ARHGAP26: variants seen among roughly 807,000 people sequenced by gnomAD.
ARHGAP26 encodes rho GTPase-activating protein 26.
A neutral mutation model predicts 104.8 loss-of-function variants in ARHGAP26; 38 were observed. The observed-to-expected ratio is 0.36, with a 90% confidence interval of 0.28 to 0.48. The LOEUF (loss-of-function observed/expected upper bound fraction) is 0.48. Ranked by LOEUF, ARHGAP26 falls within the 20% of genes least tolerant of loss-of-function variation. The probability of loss-of-function intolerance (pLI) is 0.99; values close to 1 mark genes in which losing one functional copy is unlikely to be tolerated. For synonymous variants in ARHGAP26, 341 were observed against 340.0 expected (o/e 1.00, Z -0.03); for missense variants, 704 against 947.9 (o/e 0.74, Z 3.38).
chr5:143,045,879 A>C (rs1562321360), intron 14 of ARHGAP26, among the ~76,000 whole-genome samples: 1 of 152,060 alleles, frequency 6.6e-6, no homozygotes. Context: ...CACACCTGTA[A>C]TCCCAGCACT....
intron 1 of ARHGAP26, among the ~76,000 whole-genome samples, chr5:142,861,044 C>G (rs1753235639): frequency 6.6e-6 from 1 of 152,174 alleles, no homozygotes; most frequent in African/African-American, 2.4e-5. Flanking sequence ...TCTTTGGCCT[C>G]TCTCATTCTG....
At chr5:142,791,331 C>G (rs781030555) in intron 1 of ARHGAP26, among the ~76,000 whole-genome samples, 5 of 151,996 alleles carry the variant, frequency 3.3e-5, no homozygotes, top group Non-Finnish European at 7.4e-5. Flanking sequence ...TGTCACCAGC[C>G]TCCATCTCCT....
intron 22 of ARHGAP26, among the ~76,000 whole-genome samples, chr5:143,214,906 G>A (rs28702714): frequency 0.035 from 5,356 of 152,312 alleles, 316 homozygotes; most frequent in African/African-American, 0.12. Flanking sequence ...CTGTCCTTAA[G>A]CCTTTGCTCC....
chr5:142,933,964 C>G (rs1227147184), intron 11 of ARHGAP26, among the ~76,000 whole-genome samples: 4 of 152,176 alleles, frequency 2.6e-5, no homozygotes, highest in Admixed American at 1.3e-4. Flanking sequence ...TACTTTCACT[C>G]ACTCCCTTGA....
intron 17 of ARHGAP26, among the ~76,000 whole-genome samples, chr5:143,058,660 A>G (rs142802764): frequency 4.1e-4 from 62 of 152,386 alleles, no homozygotes; most frequent in Non-Finnish European, 7.9e-4. Flanking sequence ...ATACTTTGCT[A>G]TGCCATTAGG....
At chr5:143,145,199 G>A (rs535347140) in intron 19 of ARHGAP26, among the ~76,000 whole-genome samples, 1 of 152,306 alleles carries the variant, frequency 6.6e-6, no homozygotes, top group Non-Finnish European at 1.5e-5. Flanking sequence ...TTTTTAGTTT[G>A]TAGAATGATA....
chr5:142,972,614 G>C (rs1772449746), intron 11 of ARHGAP26, among the ~76,000 whole-genome samples: 1 of 152,130 alleles, frequency 6.6e-6, no homozygotes, highest in South Asian at 2.1e-4. Context: ...TAGTGAGACA[G>C]ATTAACATAG....
intron 1 of ARHGAP26, among the ~76,000 whole-genome samples, chr5:142,823,592 A>G (rs1766632884): frequency 6.6e-6 from 1 of 152,096 alleles, no homozygotes; most frequent in South Asian, 2.1e-4. Flanking sequence ...CAAAGCACTG[A>G]TCATAAGCAA....
At chr5:142,848,097 G>A (rs1772383021) in intron 1 of ARHGAP26, among the ~76,000 whole-genome samples, 1 of 152,242 alleles carries the variant, frequency 6.6e-6, no homozygotes, top group African/African-American at 2.4e-5. Flanking sequence ...GTGAAGGGGA[G>A]TGATCTGGGA....
rs554405303 is a variant in ARHGAP26, at chr5:143,204,640, G to A, written c.1989-2558G>A. Reference sequence around the variant, plus strand: ...GCCGCACCCCCAGATAATTTCAGCCGTGTAGTTCTGGCCAAAAACCACTTA... The same window carrying A: ...GCCGCACCCCCAGATAATTTCAGCCATGTAGTTCTGGCCAAAAACCACTTA... On this transcript the variant is annotated intron_variant, in intron 20 of 22. Transcript: ENST00000645722. 4.8e-4 allele frequency among the ~76,000 whole-genome samples: 73 copies of A among 152,260 alleles called. 1 individual carries two copies. Among genetic ancestry groups the A allele is most frequent in the African/African-American group, 1.6e-3 (66 of 41,556 alleles).
At chr5:143,049,781 G>A (rs1442224939) in intron 14 of ARHGAP26, among the ~76,000 whole-genome samples, 2 of 152,234 alleles carry the variant, frequency 1.3e-5, no homozygotes, top group Middle Eastern at 3.4e-3. Flanking sequence ...GAACCTATAA[G>A]CCTGCATTGA....
In ARHGAP26 at chr5:142,856,146, T is replaced by C. The variant is rs374042008; in HGVS notation, c.155-17254T>C. ...TGGTGTACGAGACTGACCTGGTCCC[T>C]GTCTTCTTGGAGCTGCCCATACTGA... On this transcript the variant is annotated intron_variant, in intron 1 of 22. Coordinates refer to ENST00000645722, the MANE Select transcript of ARHGAP26 (RefSeq NM_001135608.3). 7.1e-4 allele frequency among the ~76,000 whole-genome samples: 108 copies of C among 152,324 alleles called. 2 individuals carry two copies. Among genetic ancestry groups the C allele is most frequent in the African/African-American group, 2.3e-3 (97 of 41,578 alleles).
intron 20 of ARHGAP26, among the ~76,000 whole-genome samples, chr5:143,149,882 C>T (rs72799980): frequency 0.011 from 1,690 of 152,258 alleles, 15 homozygotes; most frequent in Non-Finnish European, 0.016. Context: ...TCCTTTATTT[C>T]ACTATTTTTC....
intron 11 of ARHGAP26, among the ~76,000 whole-genome samples, chr5:142,961,757 T>C (rs1354004967): frequency 6.6e-6 from 1 of 152,216 alleles, no homozygotes; most frequent in African/African-American, 2.4e-5. Flanking sequence ...ATGTTGAAAA[T>C]ATTCAACTTT....
At chr5:142,895,663 A>C (rs913340351) in intron 6 of ARHGAP26, among the ~76,000 whole-genome samples, 1 of 152,158 alleles carries the variant, frequency 6.6e-6, no homozygotes, top group Non-Finnish European at 1.5e-5. Context: ...TTTTTTAGGC[A>C]TGTAGACTTG....
intron 20 of ARHGAP26, among the ~76,000 whole-genome samples, chr5:143,157,074 C>T (rs1042138423): frequency 1.3e-5 from 2 of 151,872 alleles, no homozygotes; most frequent in Admixed American, 6.6e-5. Flanking sequence ...TGAGCATCGG[C>T]GTGGACAGAT....
chr5:143,165,531 A>G (rs998722987), intron 20 of ARHGAP26: 1 of 152,258 alleles, frequency 6.6e-6, no homozygotes, highest in Non-Finnish European at 1.5e-5. Context: ...TTCACATCCC[A>G]ACTTTATTAG....
rs1431154778 is a variant in ARHGAP26, at chr5:142,894,297, C to A, written c.546C>A (p.Val182=). 6.2e-7 allele frequency: 1 copy of A among 1,613,984 alleles called. No individual in the cohort carries two copies. The highest frequency in any genetic ancestry group is 8.5e-7 in the Non-Finnish European group (1 of 1,180,008). ...TCTATGAAGTATCCCTGGAATATGT[C>A]TTCAAGGTGCAGGAAGTCCAAGAGA... ...QHFYEVSLEY[V]FKVQEVQERK... Residue 182 remains valine (V), a synonymous_variant, in exon 6 of 23, where the codon GTC becomes GTA. Transcript: ENST00000645722.
intron 18 of ARHGAP26, among the ~76,000 whole-genome samples, chr5:143,129,811 G>T (rs1468467056): frequency 1.3e-5 from 2 of 152,156 alleles, no homozygotes; most frequent in Non-Finnish European, 2.9e-5. Context: ...GCCACATACT[G>T]CACTGAGCAT....
Sources: gnomAD v4.1 joint callset for allele counts (sites outside exome capture counted in the v4.1 genomes callset) on GRCh38, gnomAD v4.1.1 for gene constraint, MANE v1.5 for transcripts, NCBI Gene and HGNC (gene_info 2026-07-23, HGNC 2026-07-21) for gene names.